Variants in IL1RAPL1 observed in about 807,000 individuals in gnomAD.
The protein encoded by IL1RAPL1 is interleukin 1 receptor accessory protein like 1.
IL1RAPL1 carries 3 observed loss-of-function variants against 48.4 expected under a neutral mutation model. The ratio of observed to expected loss-of-function variants is 0.06; its 90% CI spans 0.03 to 0.16. IL1RAPL1 has a LOEUF of 0.16. Ranked by LOEUF, IL1RAPL1 falls within the 10% of genes least tolerant of loss-of-function variation. IL1RAPL1 has a pLI of 1.00. For missense variants in IL1RAPL1, 349 were observed against 530.6 expected (o/e 0.66, Z 3.36); for synonymous variants, 185 against 187.7 (o/e 0.99, Z 0.12).
intron 3 of IL1RAPL1, among the ~76,000 whole-genome samples, chrX:29,301,219 G>A (rs911157836): frequency 9.0e-6 from 1 of 111,510 alleles, no homozygotes; most frequent in African/African-American, 3.3e-5. Context: ...TGGAACCATC[G>A]ACTTGTTTAC....
At chrX:28,771,286 T>C (rs1273332497) in intron 1 of IL1RAPL1, among the ~76,000 whole-genome samples, 4 of 112,276 alleles carry the variant, frequency 3.6e-5, no homozygotes, top group African/African-American at 1.3e-4. Context: ...TTCTCTGTGT[T>C]ACTTAATTAG....
At chrX:29,372,964 G>T (rs1032177033) in intron 3 of IL1RAPL1, among the ~76,000 whole-genome samples, 7 of 110,036 alleles carry the variant, frequency 6.4e-5, no homozygotes, top group African/African-American at 2.3e-4. Context: ...TGTGAAAAAT[G>T]ACACTTGTAG....
At chrX:29,736,750 G>C (rs1928058425) in intron 6 of IL1RAPL1, among the ~76,000 whole-genome samples, 1 of 111,768 alleles carries the variant, frequency 8.9e-6, no homozygotes, top group African/African-American at 3.3e-5. Flanking sequence ...TTGTGACTGG[G>C]GTATCTTTGG....
chrX:29,638,288 T>TTG (rs1925040675), intron 5 of IL1RAPL1, among the ~76,000 whole-genome samples: 1 of 101,075 alleles, frequency 9.9e-6, no homozygotes, highest in East Asian at 3.4e-4. Flanking sequence ...TTTTTTTTTT[T>TTG]GAGATGGAGT....
intron 6 of IL1RAPL1, among the ~76,000 whole-genome samples, chrX:29,874,325 T>A (rs1931860418): frequency 8.9e-6 from 1 of 111,809 alleles, no homozygotes; most frequent in African/African-American, 3.3e-5. Context: ...GGAAAAAAAA[T>A]GCTCTAAGGC....
chrX:29,895,535 G>A (rs1050540906), intron 6 of IL1RAPL1, among the ~76,000 whole-genome samples: 5 of 112,734 alleles, frequency 4.4e-5, no homozygotes, highest in African/African-American at 6.4e-5. Flanking sequence ...CTGGGCTACC[G>A]AGCGAGACTC....
chrX:29,954,369 T>C (rs1396150822), intron 9 of IL1RAPL1, among the ~76,000 whole-genome samples, 153 bp from the exon 10 acceptor site: 1 of 111,064 alleles, frequency 9.0e-6, no homozygotes, highest in Non-Finnish European at 1.9e-5. Context: ...TTTAGAATCA[T>C]TGAACTCAAT....
chrX:29,419,859 A>C (rs978319923), intron 5 of IL1RAPL1, among the ~76,000 whole-genome samples: 1 of 111,281 alleles, frequency 9.0e-6, no homozygotes, highest in African/African-American at 3.3e-5. Context: ...GGTGTGGCAG[A>C]GGAGACTCTT....
intron 1 of IL1RAPL1, among the ~76,000 whole-genome samples, chrX:28,770,253 A>C (rs1023177140): frequency 1.8e-5 from 2 of 111,537 alleles, no homozygotes; most frequent in African/African-American, 6.5e-5. Context: ...ATGGGCCCTG[A>C]AGCTTTTACA....
chrX:29,543,273 T>C (rs1921504012), intron 5 of IL1RAPL1, among the ~76,000 whole-genome samples: 1 of 110,614 alleles, frequency 9.0e-6, no homozygotes, highest in African/African-American at 3.3e-5. Context: ...CTGAGTATAA[T>C]GCCCAGCACT....
intron 1 of IL1RAPL1, among the ~76,000 whole-genome samples, chrX:28,647,802 A>G (rs766299875): frequency 5.0e-4 from 56 of 111,865 alleles, no homozygotes; most frequent in African/African-American, 1.8e-3. Flanking sequence ...TTCTTGGACC[A>G]AGCATCTAGG....
intron 2 of IL1RAPL1, among the ~76,000 whole-genome samples, chrX:28,926,097 G>A: frequency 8.9e-6 from 1 of 112,107 alleles, no homozygotes; most frequent in South Asian, 3.7e-4. Flanking sequence ...TTAAATTTAA[G>A]TTCATTATAA....
intron 1 of IL1RAPL1, among the ~76,000 whole-genome samples, chrX:28,621,351 C>CT (rs960706147): frequency 6.3e-5 from 7 of 111,142 alleles, no homozygotes; most frequent in African/African-American, 1.6e-4. Flanking sequence ...ATTTCTTGGC[C>CT]TTTTTTTACT....
intron 3 of IL1RAPL1, among the ~76,000 whole-genome samples, chrX:29,288,847 C>T (rs750705980): frequency 9.8e-5 from 11 of 111,745 alleles, no homozygotes; most frequent in South Asian, 3.7e-4. Flanking sequence ...TTTTAATAAT[C>T]GCCATTCTGA....
chrX:29,056,004 C>T (rs758634862), intron 2 of IL1RAPL1, among the ~76,000 whole-genome samples: 2 of 111,991 alleles, frequency 1.8e-5, no homozygotes, highest in African/African-American at 3.2e-5. Context: ...TAAATAAGAA[C>T]GTTGTTTCAA....
chrX:29,610,276 A>G, intron 5 of IL1RAPL1, among the ~76,000 whole-genome samples: 1 of 111,829 alleles, frequency 8.9e-6, no homozygotes, highest in Admixed American at 9.5e-5. Flanking sequence ...AGAAAGACTA[A>G]TATTTATTTT....
At chrX:29,249,210 T>C (rs1014610292) in intron 2 of IL1RAPL1, among the ~76,000 whole-genome samples, 3 of 111,489 alleles carry the variant, frequency 2.7e-5, no homozygotes, top group Non-Finnish European at 5.6e-5. Flanking sequence ...ATTTACACAG[T>C]TTTATAGCTT....
intron 6 of IL1RAPL1, among the ~76,000 whole-genome samples, chrX:29,757,793 A>C (rs936634484): frequency 1.8e-5 from 2 of 112,243 alleles, no homozygotes; most frequent in African/African-American, 6.5e-5. Flanking sequence ...CAAATGGACA[A>C]ACTGTTTGAC....
At chrX:29,422,879 G>A (rs1331142334) in intron 5 of IL1RAPL1, among the ~76,000 whole-genome samples, 1 of 111,446 alleles carries the variant, frequency 9.0e-6, no homozygotes, top group African/African-American at 3.3e-5. Flanking sequence ...TCGGCCAAGA[G>A]CATTATAAAG....
Sources: gnomAD v4.1 joint callset for allele counts (sites outside exome capture counted in the v4.1 genomes callset) on GRCh38, gnomAD v4.1.1 for gene constraint, MANE v1.5 for transcripts, NCBI Gene and HGNC (gene_info 2026-07-23, HGNC 2026-07-21) for gene names.